ROBO2: variants seen among roughly 807,000 people sequenced by gnomAD.
ROBO2 encodes the protein roundabout homolog 2.
ROBO2 carries 53 observed loss-of-function variants against 160.8 expected under a neutral mutation model. The observed-to-expected ratio is 0.33, with a 90% CI of 0.26 to 0.41. The LOEUF (loss-of-function observed/expected upper bound fraction) is 0.41. ROBO2 is among the 10% of genes least tolerant of loss of function. ROBO2 has a pLI of 1.00. For missense variants in ROBO2, 1,577 were observed against 1,722.4 expected (o/e 0.92, Z 1.49); for synonymous variants, 664 against 611.7 (o/e 1.09, Z -1.26).
chr3:76,883,687 C>G (rs1038114202), intron 2 of ROBO2, among the ~76,000 whole-genome samples: 1 of 152,130 alleles, frequency 6.6e-6, no homozygotes, highest in Non-Finnish European at 1.5e-5. Context: ...TATCTGGTGT[C>G]CAATACACGA....
intron 2 of ROBO2, among the ~76,000 whole-genome samples, chr3:76,671,850 G>T (rs937655078): frequency 6.6e-6 from 1 of 151,842 alleles, no homozygotes; most frequent in Non-Finnish European, 1.5e-5. Context: ...TATAGTAAAT[G>T]CTATACTATT....
In ROBO2 at chr3:75,921,092, T is replaced by C. The variant is rs147847678; in HGVS notation, c.-14+14132T>C. On this transcript the variant is annotated intron_variant, in intron 1 of 26. Coordinates refer to the ROBO2 transcript ENST00000487694. ...GTGATCATGATGCTAGCTGGTTATT[T>C]TGCACATTAGTTGAAGCAGTTTCTT... Among the ~76,000 whole-genome samples, 181 of 152,282 alleles carry C rather than the reference T, an allele frequency of 1.2e-3. 1 individual carries two copies. Among genetic ancestry groups the C allele is most frequent in the African/African-American group, 4.1e-3 (169 of 41,570 alleles).
At chr3:77,511,764 A>G (rs1049610280) in intron 5 of ROBO2, among the ~76,000 whole-genome samples, 4 of 151,932 alleles carry the variant, frequency 2.6e-5, no homozygotes, top group Non-Finnish European at 5.9e-5. Flanking sequence ...TTCAAGTTTC[A>G]TTTTGGTTTT....
At chr3:76,820,941 A>G (rs1233066630) in intron 2 of ROBO2, among the ~76,000 whole-genome samples, 1 of 151,984 alleles carries the variant, frequency 6.6e-6, no homozygotes, top group Non-Finnish European at 1.5e-5. Context: ...TGTTGATGAA[A>G]ATATATAAAG....
intron 2 of ROBO2, among the ~76,000 whole-genome samples, chr3:76,149,532 G>C: frequency 6.7e-6 from 1 of 148,204 alleles, no homozygotes; most frequent in Non-Finnish European, 1.5e-5. Context: ...ACACACATCT[G>C]TCTAAAGCAC....
At chr3:76,922,432 T>C (rs1340966342) in intron 2 of ROBO2, among the ~76,000 whole-genome samples, 2 of 152,208 alleles carry the variant, frequency 1.3e-5, no homozygotes, top group African/African-American at 2.4e-5. Flanking sequence ...GAGGAAATAA[T>C]TGTGGCTTTA....
chr3:76,637,281 G>C (rs2090394802), intron 2 of ROBO2, among the ~76,000 whole-genome samples: 1 of 152,106 alleles, frequency 6.6e-6, no homozygotes, highest in Admixed American at 6.5e-5. Context: ...AGGTTCACCA[G>C]GAGCTTCAAA....
At chr3:76,546,079 G>T (rs2083080912) in intron 2 of ROBO2, among the ~76,000 whole-genome samples, 1 of 151,832 alleles carries the variant, frequency 6.6e-6, no homozygotes, top group South Asian at 2.1e-4. Flanking sequence ...TGGCCTAATT[G>T]GGTGTATATA....
intron 2 of ROBO2, among the ~76,000 whole-genome samples, chr3:76,590,343 G>A (rs2086337412): frequency 6.6e-6 from 1 of 152,080 alleles, no homozygotes. Context: ...TAGTATAGGT[G>A]CAGATTTTGA....
intron 2 of ROBO2, among the ~76,000 whole-genome samples, chr3:77,426,484 A>T (rs2078216233): frequency 6.6e-6 from 1 of 152,056 alleles, no homozygotes; most frequent in African/African-American, 2.4e-5. Flanking sequence ...AAGGATTTGA[A>T]TAATGGGAAT....
At chr3:76,101,260 A>G (rs1184159877) in intron 2 of ROBO2, among the ~76,000 whole-genome samples, 2 of 152,182 alleles carry the variant, frequency 1.3e-5, no homozygotes, top group East Asian at 1.9e-4. Context: ...CAATATTATC[A>G]TCATAGTTGT....
chr3:76,990,464 A>T (rs1392060941), intron 2 of ROBO2, among the ~76,000 whole-genome samples: 1 of 152,082 alleles, frequency 6.6e-6, no homozygotes, highest in South Asian at 2.1e-4. Context: ...ACAGTTTTTT[A>T]AAAAAACCTT....
chr3:76,480,766 A>G (rs1488361589), intron 2 of ROBO2, among the ~76,000 whole-genome samples: 1 of 152,162 alleles, frequency 6.6e-6, no homozygotes, highest in Non-Finnish European at 1.5e-5. Context: ...GAATTTGGGC[A>G]TACATATTTT....
At chr3:76,257,356 A>G (rs1353560949) in intron 2 of ROBO2, among the ~76,000 whole-genome samples, 2 of 152,050 alleles carry the variant, frequency 1.3e-5, no homozygotes, top group African/African-American at 4.8e-5. Flanking sequence ...TATTCTTATG[A>G]TGGTCATTTC....
chr3:76,395,693 C>G (rs2077403293), intron 2 of ROBO2, among the ~76,000 whole-genome samples: 1 of 152,136 alleles, frequency 6.6e-6, no homozygotes, highest in Admixed American at 6.5e-5. Context: ...ACTATAAACA[C>G]CTCTACACAA....
chr3:76,116,424 C>T (rs1463680615), intron 2 of ROBO2, among the ~76,000 whole-genome samples: 1 of 152,232 alleles, frequency 6.6e-6, no homozygotes. Flanking sequence ...ACCATTTCTG[C>T]ATGTAATTCT....
intron 2 of ROBO2, among the ~76,000 whole-genome samples, chr3:76,916,795 C>G (rs958959265): frequency 6.6e-6 from 1 of 152,086 alleles, no homozygotes; most frequent in African/African-American, 2.4e-5. Context: ...AAAGAAATTA[C>G]TTAAGTTCAA....
At chr3:76,445,544 C>A (rs2077136102) in intron 2 of ROBO2, among the ~76,000 whole-genome samples, 1 of 152,100 alleles carries the variant, frequency 6.6e-6, no homozygotes, top group Non-Finnish European at 1.5e-5. Flanking sequence ...TTTTATGAGG[C>A]CAGCTTCATC....
chr3:77,124,463 C>A (rs1309531191), intron 2 of ROBO2, among the ~76,000 whole-genome samples: 2 of 152,024 alleles, frequency 1.3e-5, no homozygotes, highest in Non-Finnish European at 2.9e-5. Context: ...ACAGGAGCCA[C>A]AAATGCCAGG....
Sources: allele counts gnomAD v4.1 joint callset (sites outside exome capture counted in the v4.1 genomes callset), GRCh38; gene constraint gnomAD v4.1.1; transcripts MANE v1.5; gene names NCBI Gene and HGNC (gene_info 2026-07-23, HGNC 2026-07-21).